Variants in SLC16A12 observed in about 807,000 individuals in gnomAD.
SLC16A12 encodes monocarboxylate transporter 12.
A neutral mutation model predicts 42.4 loss-of-function variants in SLC16A12; 17 were observed. The observed-to-expected ratio is 0.40, with a 90% confidence interval of 0.27 to 0.60. The LOEUF is 0.60. Ranked by LOEUF, SLC16A12 falls within the 20% of genes least tolerant of loss-of-function variation. The probability of loss-of-function intolerance (pLI) is 0.42; values close to 1 mark genes in which losing one functional copy is unlikely to be tolerated. For missense variants in SLC16A12, 544 were observed against 623.0 expected, an observed-to-expected ratio of 0.87 and a Z score of 1.35; for synonymous variants, 224 against 229.4, an observed-to-expected ratio of 0.98 and a Z score of 0.21.
At chr10:89,438,200 GT>G (rs1264983048) in intron 6 of SLC16A12, among the ~76,000 whole-genome samples, 1 of 152,146 alleles carries the variant, frequency 6.6e-6, no homozygotes, top group Non-Finnish European at 1.5e-5. Context: ...ATTAAGAACG[GT>G]TTTTCCGTTT....
In SLC16A12 at chr10:89,462,556, G is replaced by A. The variant is rs2133747589; in HGVS notation, c.23C>T (p.Thr8Ile). The A allele has an allele frequency of 1.2e-6, 2 of 1,610,432 alleles. No homozygotes were observed. Among genetic ancestry groups the A allele is most frequent in the East Asian group, 2.2e-5 (1 of 44,696 alleles). The change falls in exon 3 of 8, where the codon ACA (threonine) becomes ATA (isoleucine). Residue 8 changes from threonine to isoleucine, a missense_variant. Thr to Ile is a moderately conservative substitution (Grantham distance 89). Coordinates refer to ENST00000371790, the MANE Select transcript of SLC16A12 (RefSeq NM_213606.4). ...AGTTATGATCTTGGAAGAGTTTGCT[G>A]TCCAGTGACTTCCTGATGGCATTCA... MPSGSHW[T>I]ANSSKIITWL...
chr10:89,439,280 CATT>C (rs1414484278), intron 5 of SLC16A12, 97 bp from the exon 6 acceptor site: 3 of 1,269,278 alleles, frequency 2.4e-6, no homozygotes, highest in Non-Finnish European at 3.3e-6. Context: ...TCTGACCTCT[CATT>C]AAACCCTTTT....
At chr10:89,518,097 A>G (rs1240060075) in intron 2 of SLC16A12, among the ~76,000 whole-genome samples, 1 of 152,196 alleles carries the variant, frequency 6.6e-6, no homozygotes, top group African/African-American at 2.4e-5. Context: ...ATGCAACAGT[A>G]GCTGGGCACC....
At chr10:89,555,535 G>T (rs148000947) in intron 2 of SLC16A12, among the ~76,000 whole-genome samples, 1 of 128,968 alleles carries the variant, frequency 7.8e-6, no homozygotes, top group South Asian at 2.4e-4. Flanking sequence ...GTATATATAC[G>T]TATGTATGTA....
intron 2 of SLC16A12, among the ~76,000 whole-genome samples, chr10:89,548,024 C>A (rs950545652): frequency 1.3e-5 from 2 of 149,314 alleles, no homozygotes; most frequent in Admixed American, 1.3e-4. Flanking sequence ...CAAGGTGGAG[C>A]GTGACATTAT....
At chr10:89,493,386 C>T (rs1296680091) in intron 2 of SLC16A12, among the ~76,000 whole-genome samples, 2 of 152,100 alleles carry the variant, frequency 1.3e-5, no homozygotes, top group Non-Finnish European at 2.9e-5. Flanking sequence ...CTATGCCCGG[C>T]TAATTTTTGT....
intron 2 of SLC16A12, among the ~76,000 whole-genome samples, chr10:89,542,864 C>A (rs1055432315): frequency 6.6e-6 from 1 of 152,184 alleles, no homozygotes; most frequent in African/African-American, 2.4e-5. Context: ...TTCCAACAGC[C>A]TCCTATCCAC....
At chr10:89,481,674 A>AGTGTGTGT (rs1564583942) in intron 2 of SLC16A12, among the ~76,000 whole-genome samples, 16 of 148,746 alleles carry the variant, frequency 1.1e-4, no homozygotes, top group African/African-American at 3.5e-4. Flanking sequence ...TGAGAGAGAG[A>AGTGTGTGT]GAGAGTGTGT....
chr10:89,515,738 C>A (rs1307968593), intron 2 of SLC16A12, among the ~76,000 whole-genome samples: 3 of 152,118 alleles, frequency 2.0e-5, no homozygotes, highest in Non-Finnish European at 4.4e-5. Context: ...CTCTCCAGCC[C>A]AGAGCCATGG....
chr10:89,470,937 C>G (rs1056368954), intron 2 of SLC16A12, among the ~76,000 whole-genome samples: 2 of 152,114 alleles, frequency 1.3e-5, no homozygotes, highest in Non-Finnish European at 2.9e-5. Flanking sequence ...GACACGTGAG[C>G]TCTCCCCTAG....
chr10:89,461,355 T>G (rs1842296169), intron 3 of SLC16A12, among the ~76,000 whole-genome samples: 1 of 152,134 alleles, frequency 6.6e-6, no homozygotes, highest in Non-Finnish European at 1.5e-5. Context: ...TAATTTAAAT[T>G]CTAGGTTTTA....
At chr10:89,452,018 A>C (rs1359010705) in intron 3 of SLC16A12, among the ~76,000 whole-genome samples, 4 of 152,224 alleles carry the variant, frequency 2.6e-5, no homozygotes, top group African/African-American at 9.6e-5. Flanking sequence ...TGCAGAAAGA[A>C]GGCAGTGGTG....
chr10:89,476,421 G>A (rs566814454), intron 2 of SLC16A12, among the ~76,000 whole-genome samples: 20 of 152,272 alleles, frequency 1.3e-4, no homozygotes, highest in Non-Finnish European at 2.9e-4. Flanking sequence ...GTACTACGGA[G>A]AACTGGTGTT....
At chr10:89,449,530 G>C (rs1842058609) in intron 3 of SLC16A12, among the ~76,000 whole-genome samples, 1 of 152,150 alleles carries the variant, frequency 6.6e-6, no homozygotes. Context: ...TTTAATAAAT[G>C]GTACTGGGAA....
chr10:89,470,892 C>T (rs1041132141), intron 2 of SLC16A12, among the ~76,000 whole-genome samples: 9 of 138,162 alleles, frequency 6.5e-5, no homozygotes, highest in Non-Finnish European at 1.4e-4. Flanking sequence ...GGCCTGCTTG[C>T]TAACCACCTC....
chr10:89,525,656 G>A (rs1347249086), intron 2 of SLC16A12, among the ~76,000 whole-genome samples: 1 of 152,094 alleles, frequency 6.6e-6, no homozygotes, highest in African/African-American at 2.4e-5. Context: ...TTTTCTAAGA[G>A]TGTTTTTGAA....
At chr10:89,436,903 A>G (rs1011380596) in intron 6 of SLC16A12, among the ~76,000 whole-genome samples, 7 of 149,372 alleles carry the variant, frequency 4.7e-5, no homozygotes, top group African/African-American at 1.5e-4. Context: ...AAAGAAAGAA[A>G]GAAAGAAAGA....
At chr10:89,541,816 C>A (rs564103087) in intron 2 of SLC16A12, among the ~76,000 whole-genome samples, 19 of 152,166 alleles carry the variant, frequency 1.2e-4, no homozygotes, top group Middle Eastern at 6.8e-3. Context: ...TCAGATATTG[C>A]CAAATATTTC....
At chr10:89,518,165 T>A (rs1366551323) in intron 2 of SLC16A12, among the ~76,000 whole-genome samples, 1 of 152,206 alleles carries the variant, frequency 6.6e-6, no homozygotes, top group African/African-American at 2.4e-5. Flanking sequence ...TGGGCCTCCA[T>A]GAAGCCCTCC....
Sources: gnomAD v4.1 joint callset for allele counts (sites outside exome capture counted in the v4.1 genomes callset) on GRCh38, gnomAD v4.1.1 for gene constraint, MANE v1.5 for transcripts, NCBI Gene and HGNC (gene_info 2026-07-23, HGNC 2026-07-21) for gene names.